PCED1B: variants seen among roughly 807,000 people sequenced by gnomAD.
PCED1B encodes the protein PC-esterase domain containing 1B.
For missense variants in PCED1B, 573 were observed against 573.9 expected (o/e 1.00, Z 0.02); for synonymous variants, 251 against 246.1 (o/e 1.02, Z -0.19).
At chr12:47,131,918 C>G (rs554284777) in intron 2 of PCED1B, among the ~76,000 whole-genome samples, 56 of 152,204 alleles carry the variant, frequency 3.7e-4, no homozygotes, top group African/African-American at 1.2e-3. Flanking sequence ...CCGCCCACCT[C>G]CACCTCCCAA....
chr12:47,110,822 T>C lies in PCED1B; in HGVS notation c.-526+6627T>C, dbSNP rs556528025. Among the ~76,000 whole-genome samples, 7 of 152,274 alleles carry C rather than the reference T, an allele frequency of 4.6e-5. 2 individuals carry two copies. The highest frequency in any genetic ancestry group is 1.7e-4 in the African/African-American group (7 of 41,562). On this transcript the variant is annotated intron_variant, in intron 2 of 3. Coordinates refer to ENST00000546455, the MANE Select transcript of PCED1B (RefSeq NM_138371.3). Reference sequence around the variant, plus strand: ...ATTGATCAGGTTCTTCTCTGCTGAGTCAATGACAAACACACACAAAGCTTG... The same window carrying C: ...ATTGATCAGGTTCTTCTCTGCTGAGCCAATGACAAACACACACAAAGCTTG...
At chr12:47,096,271 T>C (rs1359676557) in intron 1 of PCED1B, among the ~76,000 whole-genome samples, 1 of 152,196 alleles carries the variant, frequency 6.6e-6, no homozygotes, top group Non-Finnish European at 1.5e-5. Context: ...CTGTATCTTA[T>C]ATTACACATT....
intron 2 of PCED1B, among the ~76,000 whole-genome samples, chr12:47,148,098 G>A (rs1940858200): frequency 3.3e-5 from 5 of 152,186 alleles, no homozygotes; most frequent in Admixed American, 3.3e-4. Context: ...ATCGCATGGT[G>A]GAAGGCAGAA....
At chr12:47,166,970 G>A (rs891444315) in intron 2 of PCED1B, among the ~76,000 whole-genome samples, 4 of 152,050 alleles carry the variant, frequency 2.6e-5, no homozygotes, top group Non-Finnish European at 2.9e-5. Context: ...AGGCTTTTAC[G>A]GTATTCCATT....
chr12:47,162,204 A>G (rs1356379094), intron 2 of PCED1B, among the ~76,000 whole-genome samples: 1 of 152,114 alleles, frequency 6.6e-6, no homozygotes, highest in Non-Finnish European at 1.5e-5. Context: ...TCGCAGATGT[A>G]TACATATGTA....
intron 3 of PCED1B, among the ~76,000 whole-genome samples, chr12:47,227,671 T>C (rs527526154): frequency 5.9e-4 from 90 of 151,932 alleles, no homozygotes; most frequent in African/African-American, 2.1e-3. Flanking sequence ...CTGGCCAACA[T>C]GGTGAAACCC....
At chr12:47,160,293 CTTTTTTTTTTTT>C (rs59856338) in intron 2 of PCED1B, among the ~76,000 whole-genome samples, 1 of 69,228 alleles carries the variant, frequency 1.4e-5, no homozygotes, top group Non-Finnish European at 2.5e-5. Context: ...TTTTCTTTTT[CTTTTTTTTTTTT>C]TTTTTTTTTT....
chr12:47,110,938 A>G (rs1406734033), intron 2 of PCED1B, among the ~76,000 whole-genome samples: 2 of 152,216 alleles, frequency 1.3e-5, no homozygotes, highest in East Asian at 1.9e-4. Flanking sequence ...TTCAAAAACC[A>G]TATGCAGCAT....
chr12:47,177,782 T>C (rs1406281157), intron 2 of PCED1B, among the ~76,000 whole-genome samples: 1 of 152,106 alleles, frequency 6.6e-6, no homozygotes, highest in Non-Finnish European at 1.5e-5. Flanking sequence ...GGTGAAACCC[T>C]GTCTCTACTA....
At chr12:47,155,758 C>T (rs1359371773) in intron 2 of PCED1B, among the ~76,000 whole-genome samples, 2 of 152,146 alleles carry the variant, frequency 1.3e-5, no homozygotes, top group Non-Finnish European at 2.9e-5. Context: ...GGTTACTCTA[C>T]GGAATTGCTC....
chr12:47,140,338 T>A (rs1022101665), intron 2 of PCED1B, among the ~76,000 whole-genome samples: 1 of 152,204 alleles, frequency 6.6e-6, no homozygotes, highest in African/African-American at 2.4e-5. Context: ...TACAGAGTTT[T>A]AAGATTCATT....
chr12:47,225,063 C>T (rs1386646936), intron 3 of PCED1B, among the ~76,000 whole-genome samples: 3 of 152,164 alleles, frequency 2.0e-5, no homozygotes, highest in Non-Finnish European at 4.4e-5. Context: ...TCCCAAGTAG[C>T]TCGGATTACA....
intron 2 of PCED1B, among the ~76,000 whole-genome samples, chr12:47,156,876 CCTCT>C (rs1013213999): frequency 1.6e-4 from 24 of 152,064 alleles, no homozygotes; most frequent in Non-Finnish European, 4.4e-5. Flanking sequence ...AGTCATTTGA[CCTCT>C]CTAAGCCTCA....
At chr12:47,165,012 T>C (rs927724853) in intron 2 of PCED1B, among the ~76,000 whole-genome samples, 1 of 152,206 alleles carries the variant, frequency 6.6e-6, no homozygotes, top group Non-Finnish European at 1.5e-5. Context: ...CTTCCTCTGG[T>C]AGCTGGTCAA....
chr12:47,228,345 A>G (rs1218344255), intron 3 of PCED1B, among the ~76,000 whole-genome samples: 1 of 151,968 alleles, frequency 6.6e-6, no homozygotes, highest in Non-Finnish European at 1.5e-5. Context: ...TTCTGAATTC[A>G]AGGTCTTTAT....
rs751266341 is a variant in PCED1B at position 47,217,468 on chromosome 12, AAG to A, written c.-58+783_-58+784del. Among the ~76,000 whole-genome samples the A allele has an allele frequency of 3.4e-3, 145 of 42,306 alleles. 7 individuals carry two copies. The highest frequency in any genetic ancestry group is 0.011 in the African/African-American group (93 of 8,122). 27.8% of individuals were successfully genotyped at this position (42,306 alleles called of 152,430 possible). A position where few individuals can be genotyped will look rare whatever the true frequency, so the allele number is the denominator to read the frequency against. ...AGAAAGAAAGAAAGAAAAAGAAAGA[AAG>A]AGAAAGAAAGAAAGAAAGAAAGAAA... On this transcript the variant is annotated intron_variant, in intron 3 of 3. Transcript: ENST00000546455.
chr12:47,092,079 C>T (rs1226681610), intron 1 of PCED1B, among the ~76,000 whole-genome samples: 1 of 151,992 alleles, frequency 6.6e-6, no homozygotes, highest in Non-Finnish European at 1.5e-5. Context: ...AAAGAAGAAC[C>T]TGTAGCTTAG....
rs185616594 is a variant in PCED1B, at chr12:47,217,031, C to T, written c.-58+342C>T. Among the ~76,000 whole-genome samples, 5 of 152,226 alleles carry T rather than the reference C, an allele frequency of 3.3e-5. No individual in the cohort carries two copies. The East Asian group carries it at 9.7e-4, about 29-fold the overall frequency. On this transcript the variant is annotated intron_variant, in intron 3 of 3. Transcript: ENST00000546455. ...GCATCAGGTTTTACTTCCAGCACTA[C>T]TTCTTATAAAATGGATGACCTTGGG...
intron 2 of PCED1B, among the ~76,000 whole-genome samples, chr12:47,169,657 A>G (rs1941655964): frequency 6.6e-6 from 1 of 152,168 alleles, no homozygotes; most frequent in Non-Finnish European, 1.5e-5. Flanking sequence ...TGCTGTATCT[A>G]ATACATACAA....
Sources: gnomAD v4.1 joint callset for allele counts (sites outside exome capture counted in the v4.1 genomes callset) on GRCh38, gnomAD v4.1.1 for gene constraint, MANE v1.5 for transcripts, NCBI Gene and HGNC (gene_info 2026-07-23, HGNC 2026-07-21) for gene names.